The following MGMT variants were observed in gnomAD, a reference collection of about 807,000 sequenced individuals.
MGMT encodes the protein methylated-DNA--protein-cysteine methyltransferase.
In MGMT, 14 loss-of-function variants were observed where a neutral mutation model predicts 15.9. That is an observed-to-expected ratio of 0.88 (90% CI 0.58 to 1.37). The LOEUF is 1.37. MGMT is among the 40% of genes most tolerant of loss of function. The probability of loss-of-function intolerance (pLI) is 0.00; values close to 1 mark genes in which losing one functional copy is unlikely to be tolerated. For missense variants in MGMT, 282 were observed against 268.1 expected (o/e 1.05, Z -0.36); for synonymous variants, 130 against 118.2 (o/e 1.10, Z -0.65).
chr10:129,737,120 G>A (rs1300476373), intron 3 of MGMT, among the ~76,000 whole-genome samples: 1 of 152,008 alleles, frequency 6.6e-6, no homozygotes, highest in Non-Finnish European at 1.5e-5. Flanking sequence ...TGCTAGATTG[G>A]GGAAGTTCTC....
At chr10:129,677,170 GT>G (rs11385209) in intron 2 of MGMT, among the ~76,000 whole-genome samples, 7 of 149,902 alleles carry the variant, frequency 4.7e-5, no homozygotes, top group South Asian at 4.2e-4. Context: ...AAACACATGT[GT>G]TTTTTTTTTA....
chr10:129,729,568 G>A (rs923251599), intron 3 of MGMT, among the ~76,000 whole-genome samples: 14 of 152,154 alleles, frequency 9.2e-5, no homozygotes, highest in African/African-American at 3.1e-4. Context: ...CAGCTGCCCC[G>A]AGGCAGGGGC....
At chr10:129,625,004 A>G (rs1847130726) in intron 2 of MGMT, among the ~76,000 whole-genome samples, 1 of 152,226 alleles carries the variant, frequency 6.6e-6, no homozygotes, top group Non-Finnish European at 1.5e-5. Context: ...GAGTCGTAAA[A>G]ATTTTCAAAA....
At chr10:129,593,648 C>G (rs891083725) in intron 2 of MGMT, among the ~76,000 whole-genome samples, 2 of 152,206 alleles carry the variant, frequency 1.3e-5, no homozygotes, top group Non-Finnish European at 2.9e-5. Flanking sequence ...GTGACAACAA[C>G]AATGGGTGGC....
rs1237068721 is a variant in MGMT at position 129,766,858 on chromosome 10, T to C, written c.485T>C (p.Leu162Pro). The C allele has an allele frequency of 6.8e-6, 11 of 1,613,706 alleles. No homozygotes were observed. The highest frequency in any genetic ancestry group is 8.5e-6 in the Non-Finnish European group (10 of 1,180,044). ...SGAVGNYSGG[L>P]AVKEWLLAHE... ...GCCGTGGGCAACTACTCCGGAGGAC[T>C]GGCCGTGAAGGAATGGCTTCTGGCC... is the stretch of plus-strand genomic sequence containing the variant. The change falls in exon 5 of 5, where the codon CTG (leucine) becomes CCG (proline). Residue 162 changes from leucine (L) to proline (P), a missense_variant. Coordinates refer to ENST00000651593, the MANE Select transcript of MGMT (RefSeq NM_002412.5).
At chr10:129,610,853 G>C (rs1031596757) in intron 2 of MGMT, among the ~76,000 whole-genome samples, 1 of 152,196 alleles carries the variant, frequency 6.6e-6, no homozygotes, top group Admixed American at 6.5e-5. Flanking sequence ...TTAAGACAGA[G>C]CCTATCTCTG....
rs554945936 is a variant in MGMT at position 129,759,038 on chromosome 10, C to T, written c.275-164C>T. ...GGCCTGCCACATGCTTGCGTCTCCT[C>T]GCCTGGTGACATGGTGGCAGCAGTG... On this transcript the variant is annotated intron_variant, in intron 3 of 4. Transcript: ENST00000651593. 4.6e-5 allele frequency among the ~76,000 whole-genome samples: 7 copies of T among 152,358 alleles called. No homozygotes were observed. The South Asian group carries it at 1.2e-3, about 27-fold the overall frequency.
intron 3 of MGMT, among the ~76,000 whole-genome samples, chr10:129,719,934 A>G (rs1184006061): frequency 6.6e-6 from 1 of 152,188 alleles, no homozygotes; most frequent in Non-Finnish European, 1.5e-5. Context: ...CTTTTCTCCA[A>G]AATCCCAGTG....
intron 2 of MGMT, among the ~76,000 whole-genome samples, chr10:129,579,863 G>A (rs1846531840): frequency 6.6e-6 from 1 of 152,162 alleles, no homozygotes; most frequent in Non-Finnish European, 1.5e-5. Flanking sequence ...TGTGAAACAG[G>A]AATGCCTTCT....
intron 3 of MGMT, among the ~76,000 whole-genome samples, chr10:129,752,636 G>A (rs780964634): frequency 7.9e-5 from 12 of 151,700 alleles, no homozygotes; most frequent in Non-Finnish European, 1.5e-4. Context: ...TCTAGTGACT[G>A]TTTTAGGGAT....
At chr10:129,674,396 A>G (rs538214341) in intron 2 of MGMT, among the ~76,000 whole-genome samples, 21 of 152,312 alleles carry the variant, frequency 1.4e-4, no homozygotes, top group Admixed American at 2.6e-4. Context: ...CGAATCGGCT[A>G]TCTGCTTCAG....
At chr10:129,663,238 C>A (rs1847621053) in intron 2 of MGMT, among the ~76,000 whole-genome samples, 2 of 152,098 alleles carry the variant, frequency 1.3e-5, no homozygotes, top group African/African-American at 4.8e-5. Flanking sequence ...CAAGGCCCAT[C>A]CACCTAGAGA....
At chr10:129,726,543 G>T (rs1056727702) in intron 3 of MGMT, among the ~76,000 whole-genome samples, 3 of 152,204 alleles carry the variant, frequency 2.0e-5, no homozygotes, top group Non-Finnish European at 4.4e-5. Flanking sequence ...GCAGCCTCAC[G>T]CAGACTGAGC....
At chr10:129,685,595 CTAAATGATACA>C (rs1847896554) in intron 2 of MGMT, among the ~76,000 whole-genome samples, 1 of 152,178 alleles carries the variant, frequency 6.6e-6, no homozygotes, top group South Asian at 2.1e-4. Context: ...TTCTCTGTAG[CTAAATGATACA>C]TAACAGGAAC....
rs1253118394 is a variant in MGMT, at chr10:129,708,169, C to T, written c.274+126C>T. The T allele has an allele frequency of 1.1e-5, 15 of 1,321,512 alleles. No individual in the cohort carries two copies. The Admixed American group carries it at 2.5e-4, about 22-fold the overall frequency. The allele number at this position is 1,321,512 out of a possible 1,614,324, so 81.9% of individuals were successfully genotyped here. ...TTTTACATCAGCTAAACAGAGGCAGCGTTTGGCCGAGCTGGAGGGACGGGG... is the reference window on the plus strand; with the variant it reads ...TTTTACATCAGCTAAACAGAGGCAGTGTTTGGCCGAGCTGGAGGGACGGGG... On this transcript the variant is annotated intron_variant, in intron 3 of 4. Coordinates refer to ENST00000651593, the MANE Select transcript of MGMT (RefSeq NM_002412.5).
rs772206653 is a variant in MGMT, at chr10:129,759,307, C to CG, written c.381dup (p.Arg128AlafsTer45). 3 of 1,614,160 alleles carry CG rather than the reference C, an allele frequency of 1.9e-6. No individual in the cohort carries two copies. The highest frequency in any genetic ancestry group is 1.7e-6 in the Non-Finnish European group (2 of 1,180,036). ...GCCCTGGCAGGCAACCCCAAAGCCGCGCGAGCAGTGGGAGGAGCAATGAGA... is the reference window on the plus strand; with the variant it reads ...GCCCTGGCAGGCAACCCCAAAGCCGCGGCGAGCAGTGGGAGGAGCAATGAGA... On this transcript the variant is annotated frameshift_variant, in exon 4 of 5. Transcript: ENST00000651593. LOFTEE classifies it low-confidence loss of function (END_TRUNC).
At chr10:129,611,420 A>G (rs1431989860) in intron 2 of MGMT, among the ~76,000 whole-genome samples, 2 of 152,212 alleles carry the variant, frequency 1.3e-5, no homozygotes, top group Admixed American at 6.5e-5. Context: ...ACTCACTATC[A>G]TGAGAATAGC....
intron 2 of MGMT, among the ~76,000 whole-genome samples, chr10:129,571,299 A>C (rs999290835): frequency 3.3e-5 from 5 of 152,372 alleles, no homozygotes; most frequent in African/African-American, 1.2e-4. Flanking sequence ...TATTTCCTGT[A>C]ATAAACACCC....
intron 2 of MGMT, among the ~76,000 whole-genome samples, chr10:129,707,590 T>C (rs915916550): frequency 6.6e-6 from 1 of 152,180 alleles, no homozygotes; most frequent in African/African-American, 2.4e-5. Flanking sequence ...GAGTGCTTGA[T>C]GATTTAGGTG....
Sources: gnomAD v4.1 joint callset for allele counts (sites outside exome capture counted in the v4.1 genomes callset) on GRCh38, gnomAD v4.1.1 for gene constraint, MANE v1.5 for transcripts, NCBI Gene and HGNC (gene_info 2026-07-23, HGNC 2026-07-21) for gene names.